Variants in RBFOX1 observed in about 807,000 individuals in gnomAD.
RBFOX1 encodes the protein RNA binding protein fox-1 homolog 1.
RBFOX1 carries 8 observed loss-of-function variants against 57.7 expected under a neutral mutation model. The observed-to-expected ratio is 0.14, with a 90% CI of 0.08 to 0.25. The LOEUF (loss-of-function observed/expected upper bound fraction) is 0.25. Ranked by LOEUF, RBFOX1 falls within the 10% of genes least tolerant of loss-of-function variation. The probability of loss-of-function intolerance (pLI) is 1.00; values close to 1 mark genes in which losing one functional copy is unlikely to be tolerated. For missense variants in RBFOX1, 611 were observed against 548.5 expected (o/e 1.11, Z -1.14); for synonymous variants, 326 against 222.4 (o/e 1.47, Z -4.15).
At chr16:7,034,837 T>TTCTTTTTTC (rs2043849805) in intron 3 of RBFOX1, among the ~76,000 whole-genome samples, 3 of 94,932 alleles carry the variant, frequency 3.2e-5, no homozygotes, top group Non-Finnish European at 4.0e-5. Flanking sequence ...CTTTTTTTTT[T>TTCTTTTTTC]TTTCTTTTTT....
chr16:5,637,457 A>G (rs899836005), intron 3 of RBFOX1, among the ~76,000 whole-genome samples: 1 of 152,200 alleles, frequency 6.6e-6, no homozygotes, highest in Non-Finnish European at 1.5e-5. Flanking sequence ...CAGTAAAGGA[A>G]TAAAACCTCC....
chr16:6,626,642 C>T (rs990467192), intron 2 of RBFOX1, among the ~76,000 whole-genome samples: 5 of 152,012 alleles, frequency 3.3e-5, no homozygotes, highest in Admixed American at 3.3e-4. Context: ...CACCTGTAAT[C>T]GCAGGTACTC....
intron 4 of RBFOX1, among the ~76,000 whole-genome samples, chr16:7,512,417 A>T (rs773671576): frequency 5.9e-5 from 9 of 152,230 alleles, no homozygotes; most frequent in Non-Finnish European, 7.3e-5. Context: ...ATTCCATAGG[A>T]AGTACAATGG....
chr16:6,347,333 T>A (rs975769361), intron 2 of RBFOX1, among the ~76,000 whole-genome samples: 3 of 152,192 alleles, frequency 2.0e-5, no homozygotes, highest in African/African-American at 7.2e-5. Context: ...GGGGGCTTCA[T>A]GTGTGCTGCA....
chr16:7,060,195 C>T (rs992022684), intron 4 of RBFOX1, among the ~76,000 whole-genome samples: 1 of 152,146 alleles, frequency 6.6e-6, no homozygotes, highest in African/African-American at 2.4e-5. Flanking sequence ...CCACTCGACA[C>T]TGCCATAATA....
intron 1 of RBFOX1, among the ~76,000 whole-genome samples, chr16:6,272,579 C>T (rs2075324334): frequency 6.6e-6 from 1 of 151,970 alleles, no homozygotes; most frequent in Admixed American, 6.6e-5. Flanking sequence ...TGGATAGAGA[C>T]AACACTATTC....
chr16:7,154,053 A>G (rs890058573), intron 4 of RBFOX1, among the ~76,000 whole-genome samples: 1 of 152,200 alleles, frequency 6.6e-6, no homozygotes, highest in African/African-American at 2.4e-5. Context: ...GTATTTAGCA[A>G]CAGATTTGCT....
At chr16:7,095,602 A>G (rs540677928) in intron 4 of RBFOX1, among the ~76,000 whole-genome samples, 19 of 152,318 alleles carry the variant, frequency 1.2e-4, no homozygotes, top group African/African-American at 4.1e-4. Context: ...AGCTTTCTCT[A>G]TACTTGGATG....
intron 4 of RBFOX1, among the ~76,000 whole-genome samples, chr16:7,103,886 A>G (rs567403637): frequency 1.3e-5 from 2 of 152,282 alleles, no homozygotes; most frequent in Middle Eastern, 6.8e-3. Context: ...AAGAACACAC[A>G]AACAGATGTT....
At chr16:5,513,032 C>T (rs2043661297) in intron 2 of RBFOX1, among the ~76,000 whole-genome samples, 1 of 152,196 alleles carries the variant, frequency 6.6e-6, no homozygotes, top group Admixed American at 6.5e-5. Flanking sequence ...CCTTCCACCT[C>T]AGCCTTACAA....
At chr16:7,042,783 G>A (rs967327055) in intron 3 of RBFOX1, among the ~76,000 whole-genome samples, 10 of 152,086 alleles carry the variant, frequency 6.6e-5, no homozygotes, top group East Asian at 1.9e-4. Context: ...AAAATTAGCC[G>A]GGTGTGGTGG....
At chr16:7,155,046 C>A (rs375871257) in intron 4 of RBFOX1, among the ~76,000 whole-genome samples, 1 of 151,898 alleles carries the variant, frequency 6.6e-6, no homozygotes, top group African/African-American at 2.4e-5. Context: ...TTTTGTGTGG[C>A]GGAGGGCATC....
intron 1 of RBFOX1, among the ~76,000 whole-genome samples, chr16:5,352,748 G>C (rs2065290375): frequency 6.6e-6 from 1 of 152,094 alleles, no homozygotes; most frequent in African/African-American, 2.4e-5. Flanking sequence ...TTTAAAATCA[G>C]CCTGGGCAAC....
intron 3 of RBFOX1, among the ~76,000 whole-genome samples, chr16:5,683,418 G>T (rs2050406012): frequency 6.6e-6 from 1 of 152,100 alleles, no homozygotes; most frequent in African/African-American, 2.4e-5. Flanking sequence ...AGTCCTGGGT[G>T]TGTCTCTGTG....
chr16:7,033,248 A>C (rs1387979639), intron 3 of RBFOX1, among the ~76,000 whole-genome samples: 1 of 152,196 alleles, frequency 6.6e-6, no homozygotes, highest in Non-Finnish European at 1.5e-5. Context: ...GGACGGGCAC[A>C]GTGGGTCACG....
rs1165084529 is a variant in RBFOX1 at position 7,518,240 on chromosome 16, T to C, written c.121T>C (p.Tyr41His). The C allele has an allele frequency of 6.2e-7, 1 of 1,613,960 alleles. No homozygotes were observed. Among genetic ancestry groups the C allele is most frequent in the African/African-American group, 1.3e-5 (1 of 74,910 alleles). The change falls in exon 5 of 16, where the codon TAC becomes CAC. Residue 41 changes from tyrosine to histidine, a missense_variant. Physicochemically the swap from Tyr to His is moderately conservative, Grantham distance 83. Around this residue, in one of 3 missense-constraint regions of RBFOX1, gnomAD observed 245 missense variants for 159.1 expected, o/e 1.54. Transcript: ENST00000550418. The stretch of plus-strand genomic sequence containing the variant: ...CCCGCAGAACGGTATCCCCGCGGAA[T>C]ACACGGCCCCTCATCCCCACCCCGC... ...APPQNGIPAE[Y>H]TAPHPHPAPE...
intron 1 of RBFOX1, among the ~76,000 whole-genome samples, chr16:5,323,957 G>A (rs921790325): frequency 6.6e-6 from 1 of 152,184 alleles, no homozygotes; most frequent in Non-Finnish European, 1.5e-5. Flanking sequence ...TTTTTGGTGA[G>A]CTGTCATATT....
intron 14 of RBFOX1, 30 bp downstream of exon 14, chr16:7,676,868 C>T: frequency 1.3e-6 from 2 of 1,578,038 alleles, no homozygotes; most frequent in Non-Finnish European, 1.7e-6. Context: ...TGCTTGACAA[C>T]TACTTGTAAA....
intron 2 of RBFOX1, among the ~76,000 whole-genome samples, chr16:5,564,761 C>T (rs758507317): frequency 6.6e-6 from 1 of 152,140 alleles, no homozygotes; most frequent in Non-Finnish European, 1.5e-5. Context: ...TCAAGTTCAT[C>T]ATGGTCTTCT....
Sources: gnomAD v4.1 joint callset for allele counts (sites outside exome capture counted in the v4.1 genomes callset) on GRCh38, gnomAD v4.1.1 for gene constraint, gnomAD v4.1.1 regional missense constraint, MANE v1.5 for transcripts, NCBI Gene and HGNC (gene_info 2026-07-23, HGNC 2026-07-21) for gene names.